Variants in MEIKIN observed in about 807,000 individuals in gnomAD.
MEIKIN encodes the protein meiosis-specific kinetochore protein.
intron 6 of MEIKIN, among the ~76,000 whole-genome samples, chr5:131,920,572 C>T (rs1751486627): frequency 1.3e-5 from 2 of 152,214 alleles, no homozygotes; most frequent in Non-Finnish European, 2.9e-5. Flanking sequence ...ACCATCACCA[C>T]TAGTAAGACA....
chr5:131,841,210 T>C (rs1367013290), intron 11 of MEIKIN, among the ~76,000 whole-genome samples: 1 of 152,214 alleles, frequency 6.6e-6, no homozygotes, highest in Non-Finnish European at 1.5e-5. Flanking sequence ...GTTAGGAACT[T>C]ACTGCACTGG....
At chr5:131,929,286 C>A (rs77401366) in intron 5 of MEIKIN, among the ~76,000 whole-genome samples, 8 of 152,156 alleles carry the variant, frequency 5.3e-5, no homozygotes, top group Non-Finnish European at 1.0e-4. Context: ...GATTTCTTGG[C>A]TTCCTTCTAC....
intron 9 of MEIKIN, among the ~76,000 whole-genome samples, chr5:131,866,994 C>T (rs148856722): frequency 1.3e-5 from 2 of 152,186 alleles, no homozygotes; most frequent in African/African-American, 4.8e-5. Context: ...AAAAAGCTTC[C>T]TATAACCCTG....
intron 11 of MEIKIN, among the ~76,000 whole-genome samples, chr5:131,839,774 C>T (rs1272422350): frequency 2.0e-5 from 3 of 152,202 alleles, no homozygotes; most frequent in African/African-American, 7.2e-5. Context: ...TTGGAGACAG[C>T]ATACTGTTGG....
intron 12 of MEIKIN, among the ~76,000 whole-genome samples, chr5:131,814,906 A>G (rs772384801): frequency 6.6e-6 from 1 of 152,166 alleles, no homozygotes; most frequent in Non-Finnish European, 1.5e-5. Flanking sequence ...TGAGGGCCCA[A>G]CCAGTCAGCA....
chr5:131,901,476 T>A (rs973346830), intron 8 of MEIKIN, among the ~76,000 whole-genome samples: 2 of 152,000 alleles, frequency 1.3e-5, no homozygotes, highest in African/African-American at 4.8e-5. Context: ...CCCCTACAAT[T>A]GCCAGCACCC....
intron 8 of MEIKIN, among the ~76,000 whole-genome samples, chr5:131,909,594 C>T (rs1751300060): frequency 1.3e-5 from 2 of 151,960 alleles, no homozygotes; most frequent in Non-Finnish European, 2.9e-5. Context: ...TGCTTCTGCA[C>T]AGCAAAGGAA....
chr5:131,882,444 G>A (rs1158781244), intron 8 of MEIKIN, among the ~76,000 whole-genome samples: 1 of 152,058 alleles, frequency 6.6e-6, no homozygotes, highest in Non-Finnish European at 1.5e-5. Context: ...AGAAAGAATA[G>A]GTGAAACACA....
intron 9 of MEIKIN, among the ~76,000 whole-genome samples, chr5:131,878,305 C>T (rs1177450991): frequency 6.6e-6 from 1 of 152,168 alleles, no homozygotes; most frequent in South Asian, 2.1e-4. Context: ...CGGTGGCTCA[C>T]GCCTGTAATC....
At chr5:131,832,336 G>A (rs1242203249) in intron 11 of MEIKIN, among the ~76,000 whole-genome samples, 19 of 152,128 alleles carry the variant, frequency 1.2e-4, no homozygotes, top group Admixed American at 1.2e-3. Context: ...TTGACTCCAG[G>A]TCTCACATCT....
At chr5:131,854,729 A>G (rs1397837767) in intron 10 of MEIKIN, 25 bp downstream of exon 10, 5 of 397,504 alleles carry the variant, frequency 1.3e-5, no homozygotes, top group African/African-American at 6.2e-5. Context: ...AACAGATACT[A>G]CAAGTGCCAA....
chr5:131,885,373 G>C (rs28854532), intron 8 of MEIKIN, among the ~76,000 whole-genome samples: 1 of 63,008 alleles, frequency 1.6e-5, no homozygotes, highest in Admixed American at 1.6e-4. Context: ...GAGAGAGAGA[G>C]AGAGAGAGAG....
chr5:131,819,765 ATTTTTTTTTTT>A (rs1167213249), intron 11 of MEIKIN, among the ~76,000 whole-genome samples: 131 of 64,570 alleles, frequency 2.0e-3, no homozygotes, highest in African/African-American at 8.7e-3. Flanking sequence ...ACATCCAGCT[ATTTTTTTTTTT>A]TTTTTTTTTT....
chr5:131,912,852 G>T (rs563428357), intron 7 of MEIKIN, among the ~76,000 whole-genome samples: 4 of 152,140 alleles, frequency 2.6e-5, no homozygotes, highest in Non-Finnish European at 5.9e-5. Flanking sequence ...GCTTGGGCAT[G>T]ATTTAGACTC....
At position 131,815,899 on chromosome 5, in the gene MEIKIN, T is replaced by C. The variant is rs138755318; in HGVS notation, c.1099+2841A>G. On this transcript the variant is annotated intron_variant, in intron 12 of 12. Transcript: ENST00000442687. ...GGCAGAAGGAATATGGCATGGGTAA[T>C]AGAAGAAGGTGGTTATAAATACCTG... Among the ~76,000 whole-genome samples, 343 of 152,358 alleles carry C rather than the reference T, an allele frequency of 2.3e-3. 1 individual carries two copies. Among genetic ancestry groups the C allele is most frequent in the African/African-American group, 7.8e-3 (324 of 41,590 alleles).
At chr5:131,908,832 G>A (rs764629975) in intron 8 of MEIKIN, among the ~76,000 whole-genome samples, 26 of 152,056 alleles carry the variant, frequency 1.7e-4, no homozygotes, top group Non-Finnish European at 3.5e-4. Context: ...ATTTACAAGA[G>A]CAACAAATAA....
intron 12 of MEIKIN, among the ~76,000 whole-genome samples, chr5:131,807,490 G>C (rs1183787386): frequency 2.0e-5 from 3 of 152,112 alleles, no homozygotes; most frequent in African/African-American, 4.8e-5. Flanking sequence ...AAGGAGATCT[G>C]CTCAATAACA....
chr5:131,823,793 G>A (rs145632968), intron 11 of MEIKIN, among the ~76,000 whole-genome samples: 1 of 152,218 alleles, frequency 6.6e-6, no homozygotes, highest in Non-Finnish European at 1.5e-5. Flanking sequence ...ATTTATTGTA[G>A]TCTTTACAGT....
intron 11 of MEIKIN, among the ~76,000 whole-genome samples, chr5:131,834,067 G>T (rs1423357830): frequency 6.6e-6 from 1 of 152,198 alleles, no homozygotes. Flanking sequence ...ATAACTGGTA[G>T]TGGATACTAA....
Sources: gnomAD v4.1 joint callset for allele counts (sites outside exome capture counted in the v4.1 genomes callset) on GRCh38, gnomAD v4.1.1 for gene constraint, MANE v1.5 for transcripts, NCBI Gene and HGNC (gene_info 2026-07-23, HGNC 2026-07-21) for gene names.